PROC: variants seen among roughly 807,000 people sequenced by gnomAD.
PROC encodes protein C, inactivator of coagulation factors Va and VIIIa, also known as vitamin K-dependent protein C.
In PROC, 22 loss-of-function variants were observed where a neutral mutation model predicts 36.3. The observed-to-expected ratio is 0.61, with a 90% CI of 0.43 to 0.86. The LOEUF is 0.86. Ranked by LOEUF, PROC falls within the 40% of genes least tolerant of loss-of-function variation. The probability of loss-of-function intolerance (pLI) is 0.00; values close to 1 mark genes in which losing one functional copy is unlikely to be tolerated. For synonymous variants in PROC, 218 were observed against 244.5 expected (o/e 0.89, Z 1.01); for missense variants, 526 against 629.7 (o/e 0.84, Z 1.76).
rs140461934 is a variant in PROC, at chr2:127,429,092, T to C, written c.*146T>C. The stretch of plus-strand genomic sequence containing the variant: ...GAAGTAACATTTACTGAGCACCTGT[T>C]GTATGTCACATGCCTTATGAATAGA... On this transcript the variant is annotated 3_prime_UTR_variant, in exon 9 of 9. Coordinates refer to ENST00000234071, the MANE Select transcript of PROC (RefSeq NM_000312.4). The C allele has an allele frequency of 4.0e-4, 346 of 856,752 alleles. No homozygotes were observed. In the African/African-American group the frequency reaches 5.2e-3, roughly 13 times the overall value. 53.1% of individuals were successfully genotyped at this position (856,752 alleles called of 1,614,324 possible).
In PROC at chr2:127,419,960, C is replaced by T; in HGVS notation, c.18C>T (p.Ser6=). ...CCTCCAGAATGTGGCAGCTCACAAG[C>T]CTCCTGCTGTTCGTGGCCACCTGGG... MWQLT[S]LLLFVATWGI... Residue 6 remains serine (S), a synonymous_variant, in exon 2 of 9, where the codon AGC becomes AGT. Coordinates refer to ENST00000234071, the MANE Select transcript of PROC (RefSeq NM_000312.4). 1 of 1,613,936 alleles carries T rather than the reference C, an allele frequency of 6.2e-7. No homozygotes were observed.
chr2:127,426,326 C>A lies in PROC; in HGVS notation c.678+99C>A. 1 of 1,534,378 alleles carries A rather than the reference C, an allele frequency of 6.5e-7. No individual in the cohort carries two copies. Among genetic ancestry groups the A allele is most frequent in the Non-Finnish European group, 9.0e-7 (1 of 1,114,520 alleles). On this transcript the variant is annotated intron_variant, in intron 7 of 8. Coordinates refer to ENST00000234071, the MANE Select transcript of PROC (RefSeq NM_000312.4). The surrounding 1 kb of genome is among the most constrained non-coding windows in gnomAD (Gnocchi z 7.0). ...CAGGGTGCAGAAACCGAGAGGGAAG[C>A]GCTGCCATTGCGTTTGGGGGATGAT...
intron 2 of PROC, 66 bp downstream of exon 2, chr2:127,420,078 C>T (rs1454555825): frequency 1.3e-6 from 2 of 1,551,682 alleles, no homozygotes; most frequent in Middle Eastern, 2.3e-4. Flanking sequence ...GGGCATCTGC[C>T]CAGGCCTTCA....
At chr2:127,420,048 G>C in intron 2 of PROC, 36 bp downstream of exon 2, 1 of 1,607,376 alleles carries the variant, frequency 6.2e-7, no homozygotes, top group Non-Finnish European at 8.5e-7. Flanking sequence ...GGACCCTTGT[G>C]GCCTCTACAA....
chr2:127,424,015 A>G (rs1050722614), intron 6 of PROC, among the ~76,000 whole-genome samples: 18 of 152,072 alleles, frequency 1.2e-4, no homozygotes, highest in African/African-American at 3.6e-4. Context: ...GGACCCTTTT[A>G]ATGTGGAAAT....
At chr2:127,419,837 G>C in intron 1 of PROC, 85 bp from the exon 2 acceptor site, 1 of 1,605,404 alleles carries the variant, frequency 6.2e-7, no homozygotes, top group Non-Finnish European at 8.5e-7. Context: ...CACAGGGACA[G>C]CCCTTTCATT....
Position 127,426,172 on chromosome 2 carries a change from T to C in PROC, c.623T>C (p.Val208Ala), listed in dbSNP as rs772789753. Residue 208 changes from valine (V) to alanine (A), a missense_variant, in exon 7 of 9, where the codon GTA becomes GCA. By Grantham distance (64) the Val-to-Ala change is moderately conservative. Coordinates refer to ENST00000234071, the MANE Select transcript of PROC (RefSeq NM_000312.4). The surrounding 1 kb of genome is among the most constrained non-coding windows in gnomAD (Gnocchi z 7.0). The part of the protein sequence containing the change: ...KRDTEDQEDQ[V>A]DPRLIDGKMT... ...GACACAGAAGACCAAGAAGACCAAGTAGATCCGCGGCTCATTGATGGGAAG... is the reference window on the plus strand; with the variant it reads ...GACACAGAAGACCAAGAAGACCAAGCAGATCCGCGGCTCATTGATGGGAAG... The C allele has an allele frequency of 6.2e-7, 1 of 1,613,958 alleles. No homozygotes were observed. The highest frequency in any genetic ancestry group is 8.5e-7 in the Non-Finnish European group (1 of 1,179,974).
rs758660570 is a variant in PROC at position 127,428,409 on chromosome 2, G to T, written c.849G>T (p.Lys283Asn). The change falls in exon 9 of 9, where the codon AAG (lysine) becomes AAT (asparagine). Residue 283 changes from lysine (K) to asparagine (N), a missense_variant. Physicochemically the swap from Lys to Asn is moderately conservative, Grantham distance 94. Coordinates refer to ENST00000234071, the MANE Select transcript of PROC (RefSeq NM_000312.4). ...AGTGGGAGCTGGACCTGGACATCAAGGAGGTCTTCGTCCACCCCAACTACA... is the reference window on the plus strand; with the variant it reads ...AGTGGGAGCTGGACCTGGACATCAATGAGGTCTTCGTCCACCCCAACTACA... Reference protein sequence around the residue: ...WEKWELDLDIKEVFVHPNYSK... With the variant: ...WEKWELDLDINEVFVHPNYSK... 2 of 1,614,158 alleles carry T rather than the reference G, an allele frequency of 1.2e-6. No homozygotes were observed. The highest frequency in any genetic ancestry group is 2.7e-5 in the African/African-American group (2 of 75,074).
rs142733690 is a variant in PROC, at chr2:127,418,519, G to A, written c.-22+27G>A. 2.0e-3 allele frequency: 2,562 copies of A among 1,289,252 alleles called. 41 individuals carry two copies. The African/African-American group carries it at 0.032, about 16-fold the overall frequency. 79.9% of individuals were successfully genotyped at this position (1,289,252 alleles called of 1,614,324 possible). ...TGAGTCCCCCTCCAGGCAGGTCTAT[G>A]AGGGGTGTGGAGGGAGGGCTGCCCC... On this transcript the variant is annotated intron_variant, in intron 1 of 8. Coordinates refer to ENST00000234071, the MANE Select transcript of PROC (RefSeq NM_000312.4). This position sits in a 1 kb window ranked among gnomAD's most constrained non-coding sequence, Gnocchi z 4.8.
intron 3 of PROC, among the ~76,000 whole-genome samples, chr2:127,421,882 G>A (rs527518310): frequency 6.6e-6 from 1 of 152,334 alleles, no homozygotes; most frequent in South Asian, 2.1e-4. Context: ...ACATCAAAGG[G>A]AGAAAATCTG....
rs564459435 is a variant in PROC at position 127,423,743 on chromosome 2, G to C, written c.535+335G>C. On this transcript the variant is annotated intron_variant, in intron 6 of 8. Coordinates refer to ENST00000234071, the MANE Select transcript of PROC (RefSeq NM_000312.4). ...AGTCTGAGCGTATCTGGGGCGAGGC[G>C]TGCAGCGTCCTCCTCCATGTAGCCT... 9.4e-5 allele frequency: 32 copies of C among 339,114 alleles called. No homozygotes were observed. The South Asian group carries it at 2.1e-3, about 23-fold the overall frequency. 21.0% of individuals were successfully genotyped at this position (339,114 alleles called of 1,614,324 possible).
chr2:127,428,217 T>C lies in PROC; in HGVS notation c.797-140T>C, dbSNP rs1688650386. The stretch of plus-strand genomic sequence containing the variant: ...GCTCCGCGCCAGTGCCTGGGACGTG[T>C]GGGTGCACAGTCTCCGGGTGAACCT... On this transcript the variant is annotated intron_variant, in intron 8 of 8. Transcript: ENST00000234071. 2.6e-5 allele frequency: 21 copies of C among 812,558 alleles called. No individual in the cohort carries two copies. The South Asian group carries it at 3.0e-4, about 12-fold the overall frequency. 50.3% of individuals were successfully genotyped at this position (812,558 alleles called of 1,614,324 possible).
chr2:127,428,991 A>G lies in PROC; in HGVS notation c.*45A>G. The G allele has an allele frequency of 1.3e-6, 2 of 1,598,104 alleles. No homozygotes were observed. Among genetic ancestry groups the G allele is most frequent in the African/African-American group, 1.3e-5 (1 of 74,740 alleles). ...GGGCTTTTGCATGGCAATGGATGGGACATTAAAGGGACATGTAACAAGCAC... is the reference window on the plus strand; with the variant it reads ...GGGCTTTTGCATGGCAATGGATGGGGCATTAAAGGGACATGTAACAAGCAC... On this transcript the variant is annotated 3_prime_UTR_variant, in exon 9 of 9. Coordinates refer to ENST00000234071, the MANE Select transcript of PROC (RefSeq NM_000312.4).
rs2104935665 is a variant in PROC at position 127,418,682 on chromosome 2, G to C, written c.-22+190G>C. On this transcript the variant is annotated intron_variant, in intron 1 of 8. Transcript: ENST00000234071. The surrounding 1 kb of genome is among the most constrained non-coding windows in gnomAD (Gnocchi z 4.8). ...CCACAGTCTCAGGTCCCTTTGCCAT[G>C]CGCCTCCCTCTTTCCAGGCCAAGGG... Among the ~76,000 whole-genome samples, 1 of 152,326 alleles carries C rather than the reference G, an allele frequency of 6.6e-6. No homozygotes were observed. Among genetic ancestry groups the C allele is most frequent in the East Asian group, 1.9e-4 (1 of 5,184 alleles).
intron 1 of PROC, chr2:127,419,632 C>T (rs895939484): frequency 2.0e-5 from 10 of 511,436 alleles, no homozygotes; most frequent in Admixed American, 6.6e-5. Flanking sequence ...GTCATCAGAC[C>T]GGCAGAGGCA....
rs1338840420 is a variant in PROC, at chr2:127,423,201, G to A, written c.400+30G>A. The A allele has an allele frequency of 2.6e-6, 4 of 1,515,736 alleles. No homozygotes were observed. In the African/African-American group the frequency reaches 4.2e-5, roughly 16 times the overall value. 93.9% of individuals were successfully genotyped at this position (1,515,736 alleles called of 1,614,324 possible). ...GGGGGAGAGGTGGATGCTGGCGGGC[G>A]GCGGGGCGGGGCTGGGGCCGGGTTG... On this transcript the variant is annotated intron_variant, in intron 5 of 8. Transcript: ENST00000234071.
chr2:127,428,337 C>G lies in PROC; in HGVS notation c.797-20C>G. 1 of 1,612,060 alleles carries G rather than the reference C, an allele frequency of 6.2e-7. No homozygotes were observed. Among genetic ancestry groups the G allele is most frequent in the Non-Finnish European group, 8.5e-7 (1 of 1,179,004 alleles). On this transcript the variant is annotated intron_variant, in intron 8 of 8. Coordinates refer to ENST00000234071, the MANE Select transcript of PROC (RefSeq NM_000312.4). Reference sequence around the variant, plus strand: ...AGAGGCTCCCCGCAGCCCACTCTGACTGTGCCCTCTGCCCTGCAGGAGAGT... The same window carrying G: ...AGAGGCTCCCCGCAGCCCACTCTGAGTGTGCCCTCTGCCCTGCAGGAGAGT...
Position 127,423,182 on chromosome 2 carries a change from G to A in PROC, c.400+11G>A, listed in dbSNP as rs764641626. ...GCTTCTGCCAGCGCGGTGAGGGGGA[G>A]AGGTGGATGCTGGCGGGCGGCGGGG... On this transcript the variant is annotated intron_variant, in intron 5 of 8. Coordinates refer to ENST00000234071, the MANE Select transcript of PROC (RefSeq NM_000312.4). 6.4e-7 allele frequency: 1 copy of A among 1,560,758 alleles called. No homozygotes were observed. Among genetic ancestry groups the A allele is most frequent in the Admixed American group, 1.9e-5 (1 of 53,260 alleles).
chr2:127,427,315 G>A, intron 8 of PROC, 93 bp downstream of exon 8: 1 of 1,137,526 alleles, frequency 8.8e-7, no homozygotes. Flanking sequence ...CGCTCCCCAG[G>A]TGCTTAAGCA....
Sources: allele counts gnomAD v4.1 joint callset (sites outside exome capture counted in the v4.1 genomes callset), GRCh38; gene constraint gnomAD v4.1.1; non-coding constraint Gnocchi (gnomAD v3.1); transcripts MANE v1.5; gene names NCBI Gene and HGNC (gene_info 2026-07-23, HGNC 2026-07-21).